SPON1: variants seen among roughly 807,000 people sequenced by gnomAD.
SPON1 encodes the protein spondin-1.
A neutral mutation model predicts 111.7 loss-of-function variants in SPON1; 52 were observed. The ratio of observed to expected loss-of-function variants is 0.47; its 90% CI spans 0.37 to 0.59. The LOEUF is 0.59. Ranked by LOEUF, SPON1 falls within the 20% of genes least tolerant of loss-of-function variation. The pLI, the probability that SPON1 is intolerant of heterozygous loss-of-function variation, is 0.00. For missense variants in SPON1, 957 were observed against 1,068.5 expected, an observed-to-expected ratio of 0.90 and a Z score of 1.46; for synonymous variants, 410 against 395.8, an observed-to-expected ratio of 1.04 and a Z score of -0.43.
At chr11:14,153,957 A>G (rs1332925844) in intron 6 of SPON1, among the ~76,000 whole-genome samples, 1 of 152,190 alleles carries the variant, frequency 6.6e-6, no homozygotes, top group Non-Finnish European at 1.5e-5. Context: ...AAAGCTCCAA[A>G]ATAATCTCCT....
In SPON1 at chr11:14,041,568, A is replaced by C; in HGVS notation, c.393A>C (p.Ala131=). The change falls in exon 3 of 16, where the codon GCA becomes GCC. Residue 131 remains alanine, a synonymous_variant. Coordinates refer to ENST00000576479, the MANE Select transcript of SPON1 (RefSeq NM_006108.4). ...AGTTTATGAGCAATTGCCCTGTTGC[A>C]GTCACTGAAAGCACTCCACGGAGGA... ...ETQFMSNCPV[A]VTESTPRRRT... 1 of 1,613,982 alleles carries C rather than the reference A, an allele frequency of 6.2e-7. No individual in the cohort carries two copies.
At chr11:14,002,769 C>T (rs1257810173) in intron 2 of SPON1, among the ~76,000 whole-genome samples, 1 of 152,064 alleles carries the variant, frequency 6.6e-6, no homozygotes, top group African/African-American at 2.4e-5. Context: ...CAGGCATCCA[C>T]CAAGGGGAGA....
At chr11:13,998,896 CT>C (rs1848294709) in intron 2 of SPON1, among the ~76,000 whole-genome samples, 1 of 152,260 alleles carries the variant, frequency 6.6e-6, no homozygotes, top group East Asian at 1.9e-4. Context: ...CAATACATAA[CT>C]TTTATGCAAA....
chr11:14,168,269 G>T (rs923431090), intron 6 of SPON1, among the ~76,000 whole-genome samples: 12 of 152,124 alleles, frequency 7.9e-5, no homozygotes, highest in Non-Finnish European at 1.6e-4. Flanking sequence ...TAGACCAAAT[G>T]TCTACATTTT....
At chr11:14,113,896 G>A (rs1051207825) in intron 5 of SPON1, among the ~76,000 whole-genome samples, 4 of 151,946 alleles carry the variant, frequency 2.6e-5, no homozygotes, top group Admixed American at 2.0e-4. Context: ...GAGCCACCGC[G>A]CCTGGCCAAA....
intron 6 of SPON1, among the ~76,000 whole-genome samples, chr11:14,138,657 T>C (rs1554928428): frequency 6.6e-6 from 1 of 152,100 alleles, no homozygotes; most frequent in Non-Finnish European, 1.5e-5. Flanking sequence ...TAGATCACAC[T>C]TGTAGGTTGG....
intron 2 of SPON1, among the ~76,000 whole-genome samples, chr11:14,039,709 A>G (rs1265091660): frequency 3.9e-5 from 6 of 152,190 alleles, no homozygotes; most frequent in African/African-American, 1.4e-4. Flanking sequence ...AGTGCAAGCC[A>G]TAGGAGATAA....
At chr11:14,263,050 GT>G (rs1160056671) in intron 15 of SPON1, 75 bp downstream of exon 15, 28 of 549,518 alleles carry the variant, frequency 5.1e-5, no homozygotes, top group South Asian at 7.2e-5. Flanking sequence ...TCTTGGACCT[GT>G]TTAAAAAAAA....
chr11:14,013,280 T>C (rs1463243066), intron 2 of SPON1, among the ~76,000 whole-genome samples: 1 of 152,190 alleles, frequency 6.6e-6, no homozygotes, highest in South Asian at 2.1e-4. Flanking sequence ...GCCTTGTCTG[T>C]TTCATCAGTA....
intron 2 of SPON1, among the ~76,000 whole-genome samples, chr11:13,987,469 T>G (rs1554910579): frequency 1.7e-4 from 26 of 152,228 alleles, no homozygotes. Context: ...GTCAGATGGA[T>G]AGAGTGCAAA....
chr11:14,096,353 T>G (rs1554923869), intron 5 of SPON1, among the ~76,000 whole-genome samples: 1 of 152,204 alleles, frequency 6.6e-6, no homozygotes, highest in African/African-American at 2.4e-5. Flanking sequence ...CTCACTTTTT[T>G]CCAGCACTTT....
At chr11:14,234,818 A>C (rs782069911) in intron 6 of SPON1, among the ~76,000 whole-genome samples, 1 of 152,046 alleles carries the variant, frequency 6.6e-6, no homozygotes, top group African/African-American at 2.4e-5. Flanking sequence ...GAAAAGAAAT[A>C]AAAAGAAATT....
At chr11:14,190,993 T>A (rs1318887170) in intron 6 of SPON1, among the ~76,000 whole-genome samples, 1 of 151,546 alleles carries the variant, frequency 6.6e-6, no homozygotes, top group African/African-American at 2.4e-5. Flanking sequence ...AAAAAGCACT[T>A]ACAATCCCAT....
At chr11:14,021,245 A>G (rs782609292) in intron 2 of SPON1, among the ~76,000 whole-genome samples, 20 of 152,126 alleles carry the variant, frequency 1.3e-4, no homozygotes, top group Non-Finnish European at 2.4e-4. Flanking sequence ...ACAGTATATC[A>G]TAATATCTGG....
At position 14,181,319 on chromosome 11, in the gene SPON1, AACAGCTGGGAGCCCTTTCTG is replaced by A. The variant is rs1257831287; in HGVS notation, c.825+45776_825+45795del. 1.9e-4 allele frequency among the ~76,000 whole-genome samples: 29 copies of A among 152,264 alleles called. No individual in the cohort carries two copies. The East Asian group carries it at 2.3e-3, about 12-fold the overall frequency. ...TTAGTCTTCTTGGAGCTCAGCATTA[AACAGCTGGGAGCCCTTTCTG>A]ACAGCTGGGAGCCCTTTCTGACAGT... is the stretch of plus-strand genomic sequence containing the variant. On this transcript the variant is annotated intron_variant, in intron 6 of 15. Transcript: ENST00000576479.
chr11:14,240,588 A>AT (rs1278583487), intron 6 of SPON1, among the ~76,000 whole-genome samples: 1 of 88,868 alleles, frequency 1.1e-5, no homozygotes, highest in Non-Finnish European at 2.3e-5. Context: ...AAGAAGCAAT[A>AT]TTGTGTGTGT....
chr11:14,253,955 G>C (rs1554940897), intron 7 of SPON1, among the ~76,000 whole-genome samples: 2 of 152,198 alleles, frequency 1.3e-5, no homozygotes, highest in South Asian at 2.1e-4. Flanking sequence ...GAATCTGTGT[G>C]ACACAAAGAG....
intron 2 of SPON1, among the ~76,000 whole-genome samples, chr11:13,983,754 T>C (rs1406522701): frequency 6.6e-6 from 1 of 152,202 alleles, no homozygotes; most frequent in African/African-American, 2.4e-5. Flanking sequence ...CTGTAATTAC[T>C]TCTCATCTCA....
chr11:14,034,797 A>G (rs1311447181), intron 2 of SPON1, among the ~76,000 whole-genome samples: 3 of 152,336 alleles, frequency 2.0e-5, no homozygotes, highest in Admixed American at 2.0e-4. Context: ...TCAAAGGTCC[A>G]GTGATATGAC....
Sources: allele counts gnomAD v4.1 joint callset (sites outside exome capture counted in the v4.1 genomes callset), GRCh38; gene constraint gnomAD v4.1.1; transcripts MANE v1.5; gene names NCBI Gene and HGNC (gene_info 2026-07-23, HGNC 2026-07-21).